Variants in NRP1 observed in about 807,000 individuals in gnomAD.
NRP1 encodes the protein neuropilin-1.
In NRP1, 35 loss-of-function variants were observed where a neutral mutation model predicts 106.7. The ratio of observed to expected loss-of-function variants is 0.33; its 90% confidence interval spans 0.25 to 0.43. The LOEUF (loss-of-function observed/expected upper bound fraction) is 0.43. NRP1 is among the 20% of genes least tolerant of loss of function. The probability of loss-of-function intolerance (pLI) is 1.00; values close to 1 mark genes in which losing one functional copy is unlikely to be tolerated. For missense variants in NRP1, 1,024 were observed against 1,170.4 expected, an observed-to-expected ratio of 0.87 and a Z score of 1.83; for synonymous variants, 437 against 417.9, an observed-to-expected ratio of 1.05 and a Z score of -0.56.
At chr10:33,210,841 T>C (rs1838242926) in intron 9 of NRP1, among the ~76,000 whole-genome samples, 1 of 152,244 alleles carries the variant, frequency 6.6e-6, no homozygotes, top group South Asian at 2.1e-4. Context: ...AAATTAAATA[T>C]AGCATGTTTT....
intron 6 of NRP1, among the ~76,000 whole-genome samples, chr10:33,249,725 A>G (rs1841709466): frequency 6.6e-6 from 1 of 152,188 alleles, no homozygotes; most frequent in South Asian, 2.1e-4. Flanking sequence ...AGCTCAGGAT[A>G]TGAAGTGGCT....
intron 14 of NRP1, 27 bp downstream of exon 14, chr10:33,186,190 C>T: frequency 6.4e-7 from 1 of 1,552,722 alleles, no homozygotes; most frequent in Non-Finnish European, 8.7e-7. Context: ...AGCCACTGCC[C>T]TCCCCAGCCT....
intron 2 of NRP1, among the ~76,000 whole-genome samples, chr10:33,276,646 C>T (rs1417316487): frequency 6.6e-6 from 1 of 152,150 alleles, no homozygotes; most frequent in African/African-American, 2.4e-5. Context: ...CTGATATCTG[C>T]ACTTGTTACT....
intron 8 of NRP1, among the ~76,000 whole-genome samples, chr10:33,219,984 C>G (rs1839096661): frequency 6.6e-6 from 1 of 152,274 alleles, no homozygotes; most frequent in East Asian, 1.9e-4. Flanking sequence ...AAAAATAAAG[C>G]CAAGGTTATA....
intron 8 of NRP1, among the ~76,000 whole-genome samples, chr10:33,217,229 CG>C (rs1838849995): frequency 6.6e-6 from 1 of 152,086 alleles, no homozygotes. Context: ...AGAGCAGAAC[CG>C]TCACCAGATT....
At chr10:33,273,857 C>A (rs1843491246) in intron 2 of NRP1, among the ~76,000 whole-genome samples, 1 of 152,074 alleles carries the variant, frequency 6.6e-6, no homozygotes, top group Admixed American at 6.5e-5. Flanking sequence ...CAAAGGGCAC[C>A]ACCGTTCTAT....
At chr10:33,328,916 C>T (rs573999624) in intron 2 of NRP1, among the ~76,000 whole-genome samples, 5 of 152,226 alleles carry the variant, frequency 3.3e-5, no homozygotes, top group South Asian at 2.1e-4. Flanking sequence ...AATTAGTAAA[C>T]GTCAGTTTAT....
intron 8 of NRP1, among the ~76,000 whole-genome samples, chr10:33,219,983 G>A (rs1158668761): frequency 6.6e-6 from 1 of 152,136 alleles, no homozygotes. Context: ...CAAAAATAAA[G>A]CCAAGGTTAT....
intron 13 of NRP1, among the ~76,000 whole-genome samples, chr10:33,188,583 A>C (rs1372636847): frequency 1.3e-5 from 2 of 151,942 alleles, no homozygotes; most frequent in Non-Finnish European, 2.9e-5. Flanking sequence ...TGGTCTTTAA[A>C]TATGCTCGTG....
intron 4 of NRP1, among the ~76,000 whole-genome samples, chr10:33,262,529 C>A (rs763463947): frequency 5.9e-5 from 9 of 151,908 alleles, no homozygotes; most frequent in Non-Finnish European, 1.0e-4. Context: ...ATGGTGAAAA[C>A]CCGTCTCTAC....
intron 3 of NRP1, among the ~76,000 whole-genome samples, chr10:33,265,958 T>C (rs374478002): frequency 8.5e-4 from 129 of 152,250 alleles, no homozygotes; most frequent in South Asian, 6.6e-3. Context: ...ATACATGATA[T>C]TGGGGACCCT....
intron 2 of NRP1, among the ~76,000 whole-genome samples, chr10:33,317,183 A>G (rs1480124883): frequency 6.6e-6 from 1 of 152,206 alleles, no homozygotes; most frequent in Non-Finnish European, 1.5e-5. Context: ...AGAAGCGTTG[A>G]GAGTGCTTTT....
At chr10:33,334,211 T>C (rs1226709587) in intron 1 of NRP1, 99 bp downstream of exon 1, 1 of 1,108,980 alleles carries the variant, frequency 9.0e-7, no homozygotes, top group African/African-American at 1.6e-5. Flanking sequence ...AGTCGGTTGT[T>C]CCCGGCTGAT....
rs543920885 is a variant in NRP1 at position 33,188,936 on chromosome 10, T to TATATATATATATAA, written c.2063-2449_2063-2448insTTATATATATATAT. On this transcript the variant is annotated intron_variant, in intron 13 of 16. Transcript: ENST00000374867. ...ATATATATATATATATATATATATA[T>TATATATATATATAA]AAATTAAAACTGCTCGTGTTGCTCC... Among the ~76,000 whole-genome samples, 28 of 143,354 alleles carry TATATATATATATAA rather than the reference T, an allele frequency of 2.0e-4. 1 individual carries two copies. Among genetic ancestry groups the TATATATATATATAA allele is most frequent in the African/African-American group, 6.7e-4 (25 of 37,516 alleles). The allele number at this position is 143,354 out of a possible 152,430, so 94.0% of individuals were successfully genotyped here. A position where few individuals can be genotyped will look rare whatever the true frequency, so the allele number is the denominator to read the frequency against.
chr10:33,186,498 C>G lies in NRP1; in HGVS notation c.2063-10G>C, dbSNP rs754875028. On this transcript the variant is annotated splice_polypyrimidine_tract_variant and intron_variant, in intron 13 of 16. Transcript: ENST00000374867. ...ATGAAGTTGCCATCTCCTGCTGTGA[C>G]AAAGAACTGTGTTAGGGAGAGTGGC... 1.2e-6 allele frequency: 2 copies of G among 1,604,858 alleles called. No individual in the cohort carries two copies. The highest frequency in any genetic ancestry group is 2.7e-5 in the African/African-American group (2 of 74,838).
At chr10:33,316,814 C>T (rs1344805458) in intron 2 of NRP1, among the ~76,000 whole-genome samples, 3 of 152,190 alleles carry the variant, frequency 2.0e-5, no homozygotes, top group Non-Finnish European at 4.4e-5. Flanking sequence ...AGAAGAGCCA[C>T]TGGGGTATTT....
intron 2 of NRP1, among the ~76,000 whole-genome samples, chr10:33,281,022 C>A (rs1844085572): frequency 6.6e-6 from 1 of 150,396 alleles, no homozygotes. Flanking sequence ...GAATATTCTC[C>A]TCTCTCTGCT....
chr10:33,253,656 T>C (rs1365925850), intron 6 of NRP1, among the ~76,000 whole-genome samples: 1 of 152,148 alleles, frequency 6.6e-6, no homozygotes, highest in Non-Finnish European at 1.5e-5. Flanking sequence ...TAAAAACATG[T>C]CAAAATAGGA....
At chr10:33,315,417 T>G (rs989125524) in intron 2 of NRP1, among the ~76,000 whole-genome samples, 16 of 152,204 alleles carry the variant, frequency 1.1e-4, no homozygotes, top group African/African-American at 3.9e-4. Flanking sequence ...AGGAACACAC[T>G]GGAGAAGTCT....
Sources: gnomAD v4.1 joint callset for allele counts (sites outside exome capture counted in the v4.1 genomes callset) on GRCh38, gnomAD v4.1.1 for gene constraint, MANE v1.5 for transcripts, NCBI Gene and HGNC (gene_info 2026-07-23, HGNC 2026-07-21) for gene names.